The following ZC3H12C variants were observed in gnomAD, a reference collection of about 807,000 sequenced individuals.
ZC3H12C encodes probable ribonuclease ZC3H12C.
In ZC3H12C, 20 loss-of-function variants were observed where a neutral mutation model predicts 76.3. The observed-to-expected ratio is 0.26, with a 90% CI of 0.18 to 0.38. ZC3H12C has a LOEUF of 0.38. ZC3H12C is among the 10% of genes least tolerant of loss of function. The pLI is 1.00. For missense variants in ZC3H12C, 874 were observed against 1,086.5 expected, an observed-to-expected ratio of 0.80 and a Z score of 2.75; for synonymous variants, 352 against 399.6, an observed-to-expected ratio of 0.88 and a Z score of 1.42.
intron 1 of ZC3H12C, among the ~76,000 whole-genome samples, chr11:110,105,176 G>A (rs773142275): frequency 2.0e-5 from 3 of 152,118 alleles, no homozygotes; most frequent in Non-Finnish European, 2.9e-5. Context: ...ACAGGGAACA[G>A]TTTTCCCATA....
intron 1 of ZC3H12C, among the ~76,000 whole-genome samples, chr11:110,111,551 T>C (rs111608832): frequency 1.9e-3 from 2 of 1,036 alleles, no homozygotes; most frequent in African/African-American, 8.1e-3. Context: ...TTTTTTTTTT[T>C]TCTGAGACAA....
intron 4 of ZC3H12C, among the ~76,000 whole-genome samples, chr11:110,160,611 C>A (rs662661): frequency 6.6e-6 from 1 of 151,782 alleles, no homozygotes; most frequent in African/African-American, 2.4e-5. Flanking sequence ...TCCTCCACCC[C>A]CACATATTGT....
Position 110,118,392 on chromosome 11 carries a change from T to C in ZC3H12C, c.22-18271T>C, listed in dbSNP as rs146656744. On this transcript the variant is annotated intron_variant, in intron 1 of 5. Transcript: ENST00000278590. ...TTCACTGAAGTTTTGTGTATAAGAATAGGTGTTTCTTTAGACATGAACAAT... is the reference window on the plus strand; with the variant it reads ...TTCACTGAAGTTTTGTGTATAAGAACAGGTGTTTCTTTAGACATGAACAAT... Among the ~76,000 whole-genome samples, 1,508 of 152,292 alleles carry C rather than the reference T, an allele frequency of 9.9e-3. 9 individuals carry two copies. Among genetic ancestry groups the C allele is most frequent in the Non-Finnish European group, 0.015 (995 of 68,016 alleles).
rs557477818 is a variant in ZC3H12C at position 110,115,483 on chromosome 11, A to G, written c.22-21180A>G. 9.2e-5 allele frequency among the ~76,000 whole-genome samples: 14 copies of G among 151,998 alleles called. No homozygotes were observed. The South Asian group carries it at 2.3e-3, about 25-fold the overall frequency. On this transcript the variant is annotated intron_variant, in intron 1 of 5. Transcript: ENST00000278590. ...ACACTTGGGTAAGTTTTATATTTTT[A>G]GTAGAGATGGGGTTTTGACACATTG...
chr11:110,113,394 A>T (rs1861469992), intron 1 of ZC3H12C, among the ~76,000 whole-genome samples: 1 of 152,190 alleles, frequency 6.6e-6, no homozygotes, highest in Admixed American at 6.5e-5. Context: ...TTTACACTTT[A>T]TGTCAAAATC....
At chr11:110,152,771 G>C in intron 2 of ZC3H12C, 148 bp from the exon 3 acceptor site, 1 of 790,814 alleles carries the variant, frequency 1.3e-6, no homozygotes, top group Non-Finnish European at 1.9e-6. Flanking sequence ...TAGTTATCTC[G>C]ATGTGTCTCT....
At chr11:110,131,473 G>T (rs957289126) in intron 1 of ZC3H12C, 1 of 226,734 alleles carries the variant, frequency 4.4e-6, no homozygotes, top group African/African-American at 2.3e-5. Context: ...TGTCACTGTC[G>T]TACCCAGGTG....
In ZC3H12C at chr11:110,132,947, A is replaced by G. The variant is rs376109736; in HGVS notation, c.22-3716A>G. Among the ~76,000 whole-genome samples the G allele has an allele frequency of 3.3e-5, 5 of 152,304 alleles. No individual in the cohort carries two copies. The East Asian group carries it at 7.7e-4, about 23-fold the overall frequency. On this transcript the variant is annotated intron_variant, in intron 1 of 5. Transcript: ENST00000278590. ...TTCCGTTCTTTTAAAAGTTATATTA[A>G]TCATTTTTAAAGAACTGAACGAAAA...
chr11:110,165,260 C>T lies in ZC3H12C; in HGVS notation c.2175C>T (p.Tyr725=), dbSNP rs1202583539. The T allele has an allele frequency of 1.9e-6, 3 of 1,614,024 alleles. No individual in the cohort carries two copies. In the South Asian group the frequency reaches 3.3e-5, roughly 18 times the overall value. The change falls in exon 6 of 6, where the codon TAC becomes TAT. Residue 725 remains tyrosine (Y), a synonymous_variant. Transcript: ENST00000278590. ...VGARSSCPGD[Y]PSPPSSAHSK... ...CCCGGTCCAGCTGTCCTGGCGACTA[C>T]CCCTCTCCTCCAAGTTCAGCACACT...
At chr11:110,142,958 A>G (rs1044003307) in intron 2 of ZC3H12C, among the ~76,000 whole-genome samples, 1 of 152,228 alleles carries the variant, frequency 6.6e-6, no homozygotes, top group Non-Finnish European at 1.5e-5. Flanking sequence ...AACAAGGGAC[A>G]TGGATTTAGT....
intron 4 of ZC3H12C, among the ~76,000 whole-genome samples, chr11:110,163,046 C>A (rs1862509520): frequency 6.6e-6 from 1 of 152,198 alleles, no homozygotes; most frequent in African/African-American, 2.4e-5. Context: ...TCAAAACTTA[C>A]TTGAATTAAA....
intron 1 of ZC3H12C, among the ~76,000 whole-genome samples, chr11:110,126,094 T>G (rs1157853355): frequency 6.6e-6 from 1 of 152,200 alleles, no homozygotes; most frequent in Non-Finnish European, 1.5e-5. Flanking sequence ...GCATCTATTA[T>G]TTTTATTTAC....
At chr11:110,147,950 C>A (rs1862200205) in intron 2 of ZC3H12C, among the ~76,000 whole-genome samples, 1 of 152,160 alleles carries the variant, frequency 6.6e-6, no homozygotes, top group Admixed American at 6.5e-5. Context: ...ATCTCCAGAA[C>A]CTGTAGCCAT....
rs554895979 is a variant in ZC3H12C at position 110,110,996 on chromosome 11, G to A, written c.21+17564G>A. On this transcript the variant is annotated intron_variant, in intron 1 of 5. Transcript: ENST00000278590. ...TGAGGTGGGAAATTGTACTGCTGGC[G>A]TGGATGTCTGGGAAGCACATACCAG... Among the ~76,000 whole-genome samples, 25 of 152,316 alleles carry A rather than the reference G, an allele frequency of 1.6e-4. No homozygotes were observed. In the South Asian group the frequency reaches 4.8e-3, roughly 29 times the overall value.
intron 1 of ZC3H12C, chr11:110,131,596 T>C (rs1861867648): frequency 6.5e-6 from 1 of 154,264 alleles, no homozygotes; most frequent in Admixed American, 6.5e-5. Context: ...TGATTAAGCA[T>C]TCAGTTGCTT....
chr11:110,150,237 A>G (rs1475089593), intron 2 of ZC3H12C, among the ~76,000 whole-genome samples: 1 of 152,192 alleles, frequency 6.6e-6, no homozygotes, highest in African/African-American at 2.4e-5. Context: ...GAATTGCAAC[A>G]TACAGATGAA....
chr11:110,108,196 T>C (rs1456550976), intron 1 of ZC3H12C, among the ~76,000 whole-genome samples: 1 of 152,068 alleles, frequency 6.6e-6, no homozygotes, highest in African/African-American at 2.4e-5. Context: ...GCTCAAGCAA[T>C]CCTCCTGCCT....
chr11:110,164,255 T>C lies in ZC3H12C; in HGVS notation c.1256-86T>C. On this transcript the variant is annotated intron_variant, in intron 5 of 5. Transcript: ENST00000278590. The surrounding 1 kb of genome is among the most constrained non-coding windows in gnomAD (Gnocchi z 5.7). ...CAGCTCCCATTTCTATCGTTGTCTC[T>C]TCTACAAGTTAAAATCATAGGGCCA... 1 of 1,245,918 alleles carries C rather than the reference T, an allele frequency of 8.0e-7. No homozygotes were observed. Among genetic ancestry groups the C allele is most frequent in the Non-Finnish European group, 1.1e-6 (1 of 919,080 alleles). 77.2% of individuals were successfully genotyped at this position (1,245,918 alleles called of 1,614,324 possible).
chr11:110,093,497 C>A, intron 1 of ZC3H12C, 65 bp downstream of exon 1: 1 of 1,140,188 alleles, frequency 8.8e-7, no homozygotes, highest in South Asian at 4.3e-5. Context: ...GGTAGCCGGT[C>A]GTGGGGAGGG....
Sources: gnomAD v4.1 joint callset for allele counts (sites outside exome capture counted in the v4.1 genomes callset) on GRCh38, gnomAD v4.1.1 for gene constraint, Gnocchi (gnomAD v3.1) non-coding constraint, MANE v1.5 for transcripts, NCBI Gene and HGNC (gene_info 2026-07-23, HGNC 2026-07-21) for gene names.